PDE7B: variants seen among roughly 807,000 people sequenced by gnomAD.
PDE7B encodes the protein phosphodiesterase 7B, also known as 3',5'-cyclic-AMP phosphodiesterase 7B.
In PDE7B, 29 loss-of-function variants were observed where a neutral mutation model predicts 56.2. That is an observed-to-expected ratio of 0.52 (90% confidence interval 0.38 to 0.70). PDE7B has a LOEUF of 0.70. Ranked by LOEUF, PDE7B falls within the 30% of genes least tolerant of loss-of-function variation. The probability of loss-of-function intolerance (pLI) is 0.00; values close to 1 mark genes in which losing one functional copy is unlikely to be tolerated. For missense variants in PDE7B, 490 were observed against 565.0 expected (o/e 0.87, Z 1.35); for synonymous variants, 197 against 196.9 (o/e 1.00, Z 0.00).
intron 1 of PDE7B, among the ~76,000 whole-genome samples, chr6:135,926,118 A>G (rs368501262): frequency 9.2e-4 from 78 of 84,748 alleles, no homozygotes; most frequent in South Asian, 3.6e-3. Flanking sequence ...ATGGAGTTTC[A>G]CTCTGTCGCC....
chr6:135,978,224 A>C (rs532153554), intron 2 of PDE7B, among the ~76,000 whole-genome samples: 1 of 152,188 alleles, frequency 6.6e-6, no homozygotes, highest in Non-Finnish European at 1.5e-5. Context: ...TACTGTAGGC[A>C]ATTGTAATAT....
At chr6:136,001,070 G>A (rs1029199104) in intron 2 of PDE7B, among the ~76,000 whole-genome samples, 3 of 152,228 alleles carry the variant, frequency 2.0e-5, no homozygotes, top group Non-Finnish European at 4.4e-5. Flanking sequence ...AGCCACCGCT[G>A]CTGATATCCA....
intron 2 of PDE7B, among the ~76,000 whole-genome samples, chr6:136,079,802 G>C (rs566604968): frequency 1.3e-5 from 2 of 151,750 alleles, no homozygotes; most frequent in African/African-American, 4.8e-5. Flanking sequence ...AGCTATTCTG[G>C]TGACCAGAAT....
At position 136,085,965 on chromosome 6, in the gene PDE7B, T is replaced by C. The variant is rs139969036; in HGVS notation, c.83-22766T>C. Among the ~76,000 whole-genome samples the C allele has an allele frequency of 5.9e-5, 9 of 152,352 alleles. No individual in the cohort carries two copies. In the East Asian group the frequency reaches 1.7e-3, roughly 29 times the overall value. On this transcript the variant is annotated intron_variant, in intron 2 of 12. Transcript: ENST00000308191. Reference sequence around the variant, plus strand: ...GGTTCTTTCTTTGGATTACTCATCCTTAGAATGTTTGCCCATCATACTCTT... The same window carrying C: ...GGTTCTTTCTTTGGATTACTCATCCCTAGAATGTTTGCCCATCATACTCTT...
At chr6:135,947,035 C>T (rs1192590491) in intron 1 of PDE7B, among the ~76,000 whole-genome samples, 2 of 151,944 alleles carry the variant, frequency 1.3e-5, no homozygotes, top group Non-Finnish European at 2.9e-5. Flanking sequence ...AAGTATAGGC[C>T]ACCTAGCTTT....
At chr6:136,004,354 G>A (rs1159057864) in intron 2 of PDE7B, among the ~76,000 whole-genome samples, 1 of 152,106 alleles carries the variant, frequency 6.6e-6, no homozygotes, top group Non-Finnish European at 1.5e-5. Flanking sequence ...TCTGGCCAGG[G>A]CAATTAGGCA....
intron 9 of PDE7B, 49 bp downstream of exon 9, chr6:136,173,937 A>G (rs1562513493): frequency 7.4e-7 from 1 of 1,342,298 alleles, no homozygotes; most frequent in Non-Finnish European, 1.1e-6. Flanking sequence ...AGTAAAGATA[A>G]GCCACTTTCT....
rs141041162 is a variant in PDE7B, at chr6:135,978,365, A to ATGAG, written c.82+30864_82+30867dup. ...CTTGCAGGACTGGAAATTGCTGTGG[A>ATGAG]TGAGTGAGTGAGTGAGTGAGTGAGT... On this transcript the variant is annotated intron_variant, in intron 2 of 12. Transcript: ENST00000308191. 7.3e-3 allele frequency among the ~76,000 whole-genome samples: 1,110 copies of ATGAG among 151,992 alleles called. 5 individuals carry two copies. The highest frequency in any genetic ancestry group is 0.02 in the African/African-American group (849 of 41,462).
At chr6:136,157,625 G>T (rs1253793901) in intron 8 of PDE7B, among the ~76,000 whole-genome samples, 1 of 152,116 alleles carries the variant, frequency 6.6e-6, no homozygotes, top group Non-Finnish European at 1.5e-5. Flanking sequence ...AAGTGTGAGA[G>T]GCTTGATAGA....
chr6:136,010,496 C>T (rs552777567), intron 2 of PDE7B, among the ~76,000 whole-genome samples: 6 of 151,532 alleles, frequency 4.0e-5, no homozygotes, highest in Non-Finnish European at 5.9e-5. Context: ...ACCTCCACCT[C>T]CTGGGTTCAA....
chr6:136,016,196 G>GT (rs775451717), intron 2 of PDE7B, among the ~76,000 whole-genome samples: 1 of 152,120 alleles, frequency 6.6e-6, no homozygotes, highest in Non-Finnish European at 1.5e-5. Context: ...TTTCTCATCT[G>GT]TGCAATAAGG....
intron 2 of PDE7B, among the ~76,000 whole-genome samples, chr6:136,077,843 A>C (rs1311525412): frequency 6.6e-6 from 1 of 152,200 alleles, no homozygotes; most frequent in Non-Finnish European, 1.5e-5. Flanking sequence ...TTGGTAACGA[A>C]TGTGAATATG....
chr6:136,038,200 C>A (rs776401026), intron 2 of PDE7B: 5 of 1,299,348 alleles, frequency 3.8e-6, no homozygotes, highest in Non-Finnish European at 3.0e-6. Context: ...GCAGCAGCAG[C>A]AGCAGAAGCA....
intron 2 of PDE7B, among the ~76,000 whole-genome samples, chr6:136,098,749 GCATTTCCCTTTT>G (rs1777512192): frequency 6.6e-6 from 1 of 150,978 alleles, no homozygotes; most frequent in East Asian, 1.9e-4. Context: ...ATGAACCTTT[GCATTTCCCTTTT>G]CCTCACCTAC....
At chr6:136,155,206 G>C (rs1422001974) in intron 7 of PDE7B, among the ~76,000 whole-genome samples, 1 of 152,146 alleles carries the variant, frequency 6.6e-6, no homozygotes, top group Non-Finnish European at 1.5e-5. Flanking sequence ...ATATTAGACA[G>C]TTGAAATACA....
At chr6:136,017,565 C>A (rs1471467015) in intron 2 of PDE7B, among the ~76,000 whole-genome samples, 4 of 149,426 alleles carry the variant, frequency 2.7e-5, no homozygotes, top group Non-Finnish European at 5.9e-5. Flanking sequence ...TGTTCAATTC[C>A]CACCTATGAG....
intron 1 of PDE7B, among the ~76,000 whole-genome samples, chr6:135,906,716 C>G (rs1776111417): frequency 6.7e-6 from 1 of 149,480 alleles, no homozygotes; most frequent in Non-Finnish European, 1.5e-5. Context: ...TATGAACGTA[C>G]TTATATAGTG....
intron 1 of PDE7B, among the ~76,000 whole-genome samples, chr6:135,893,208 TCCCTCCC>T (rs1319549306): frequency 8.7e-5 from 11 of 126,470 alleles, no homozygotes; most frequent in Non-Finnish European, 1.7e-4. Context: ...CCTAATGCTG[TCCCTCCC>T]CCCTCCCCCC....
At chr6:136,004,107 G>T (rs1207401652) in intron 2 of PDE7B, among the ~76,000 whole-genome samples, 1 of 152,110 alleles carries the variant, frequency 6.6e-6, no homozygotes, top group Non-Finnish European at 1.5e-5. Context: ...AAAATCACAT[G>T]ATTATCTCAA....
Sources: gnomAD v4.1 joint callset for allele counts (sites outside exome capture counted in the v4.1 genomes callset) on GRCh38, gnomAD v4.1.1 for gene constraint, MANE v1.5 for transcripts, NCBI Gene and HGNC (gene_info 2026-07-23, HGNC 2026-07-21) for gene names.